The following RGS8 variants were observed in gnomAD, a reference collection of about 807,000 sequenced individuals.
The protein encoded by RGS8 is regulator of G-protein signaling 8.
RGS8 carries 8 observed loss-of-function variants against 21.7 expected under a neutral mutation model. That is an observed-to-expected ratio of 0.37 (90% CI 0.22 to 0.66). The LOEUF is 0.66. Among genes scored for constraint, RGS8 ranks in the 30% least tolerant of loss-of-function variants. The probability of loss-of-function intolerance (pLI) is 0.59; values close to 1 mark genes in which losing one functional copy is unlikely to be tolerated. For synonymous variants in RGS8, 80 were observed against 83.6 expected (o/e 0.96, Z 0.24); for missense variants, 157 against 217.9 (o/e 0.72, Z 1.76).
chr1:182,707,694 T>TTTTG, the RGS8 span, among the ~76,000 whole-genome samples: 1 of 152,030 alleles, frequency 6.6e-6, no homozygotes, highest in Non-Finnish European at 1.5e-5. Context: ...GGTGCTAAAT[T>TTTTG]TTTGTTTGTT....
At chr1:182,656,675 A>T (rs1350879723) in intron 5 of RGS8, among the ~76,000 whole-genome samples, 1 of 152,192 alleles carries the variant, frequency 6.6e-6, no homozygotes, top group Non-Finnish European at 1.5e-5. Flanking sequence ...TGAGAGGAAA[A>T]CCAAAAGAAA....
At chr1:182,665,819 GCTCCT>G in intron 5 of RGS8, 145 bp downstream of exon 6, 2 of 564,886 alleles carry the variant, frequency 3.5e-6, no homozygotes, top group South Asian at 7.1e-5. Flanking sequence ...TTTTCTATAT[GCTCCT>G]CTAGGCAGGA....
At chr1:182,663,057 C>T (rs1396036085) in intron 5 of RGS8, among the ~76,000 whole-genome samples, 2 of 152,132 alleles carry the variant, frequency 1.3e-5, no homozygotes, top group Non-Finnish European at 2.9e-5. Flanking sequence ...GACTCCTGAA[C>T]ATTTTTTTTG....
the RGS8 span, among the ~76,000 whole-genome samples, chr1:182,727,597 G>T: frequency 2.6e-5 from 4 of 152,044 alleles, no homozygotes; most frequent in Non-Finnish European, 5.9e-5. Context: ...GTTCCGAAAG[G>T]TTACTTTGCT....
At chr1:182,749,698 G>A in the RGS8 span, among the ~76,000 whole-genome samples, 1 of 152,254 alleles carries the variant, frequency 6.6e-6, no homozygotes, top group South Asian at 2.1e-4. Context: ...GGTGACTGAG[G>A]ACATTACTTA....
intron 3 of RGS8, among the ~76,000 whole-genome samples, 153 bp downstream of exon 4, chr1:182,669,471 G>A (rs143902523): frequency 2.0e-5 from 3 of 152,346 alleles, no homozygotes; most frequent in East Asian, 1.9e-4. Context: ...GACAAGAACC[G>A]TGCAGTTCAC....
chr1:182,735,081 C>T, the RGS8 span, among the ~76,000 whole-genome samples: 1 of 152,124 alleles, frequency 6.6e-6, no homozygotes, highest in Non-Finnish European at 1.5e-5. Context: ...TTTACACTGA[C>T]AACATGTCTC....
At chr1:182,700,516 A>G in the RGS8 span, among the ~76,000 whole-genome samples, 1 of 152,168 alleles carries the variant, frequency 6.6e-6, no homozygotes, top group East Asian at 1.9e-4. Flanking sequence ...TGGTATTCCA[A>G]GAGACACCCC....
chr1:182,747,801 A>G, the RGS8 span, among the ~76,000 whole-genome samples: 635 of 152,110 alleles, frequency 4.2e-3, 8 homozygotes, highest in African/African-American at 0.014. Flanking sequence ...CCTGAGTTTA[A>G]GACCTGCCTG....
the RGS8 span, among the ~76,000 whole-genome samples, chr1:182,721,046 CATACATATATATGTGTGTATATATACAT>C: frequency 1.5e-5 from 1 of 68,212 alleles, no homozygotes; most frequent in African/African-American, 6.1e-5. Flanking sequence ...TATACATATA[CATACATATATATGTGTGTATATATACAT>C]ATATACACAT....
At chr1:182,702,762 T>C in the RGS8 span, among the ~76,000 whole-genome samples, 2 of 152,200 alleles carry the variant, frequency 1.3e-5, no homozygotes, top group African/African-American at 2.4e-5. Context: ...TAATGGAAAT[T>C]TCAGGCCAGG....
chr1:182,669,973 T>C (rs915871771), intron 2 of RGS8, among the ~76,000 whole-genome samples: 6 of 152,186 alleles, frequency 3.9e-5, no homozygotes, highest in Non-Finnish European at 5.9e-5. Context: ...AGTTCCTGAT[T>C]CCCCAACCAC....
At chr1:182,648,294 G>A in exon 6 of RGS8, 1 of 1,613,204 alleles carries the variant, frequency 6.2e-7, no homozygotes, top group Non-Finnish European at 8.5e-7. Flanking sequence ...ACGGAATGCA[G>A]CCACCCCATC....
At chr1:182,728,571 C>A in the RGS8 span, among the ~76,000 whole-genome samples, 4 of 152,036 alleles carry the variant, frequency 2.6e-5, no homozygotes, top group African/African-American at 9.7e-5. Flanking sequence ...GTGCTAAAAT[C>A]CTCACCTAAA....
the RGS8 span, among the ~76,000 whole-genome samples, chr1:182,731,342 G>C: frequency 6.6e-6 from 1 of 152,056 alleles, no homozygotes; most frequent in Non-Finnish European, 1.5e-5. Flanking sequence ...ATTGGCAGTT[G>C]GATTATATCC....
At chr1:182,653,251 C>T (rs6673639) in intron 5 of RGS8, among the ~76,000 whole-genome samples, 114,971 of 152,018 alleles carry the variant, frequency 0.76, 43,537 homozygotes, top group Non-Finnish European at 0.78. Flanking sequence ...TCCCATGGTA[C>T]GTACGGTGGT....
At chr1:182,654,786 G>A (rs1663186939) in intron 5 of RGS8, among the ~76,000 whole-genome samples, 3 of 152,156 alleles carry the variant, frequency 2.0e-5, no homozygotes. Flanking sequence ...CAAAAAGGGA[G>A]CAAGAACTTT....
chr1:182,650,948 G>A (rs1347114608), intron 5 of RGS8, among the ~76,000 whole-genome samples: 1 of 152,100 alleles, frequency 6.6e-6, no homozygotes, highest in Non-Finnish European at 1.5e-5. Flanking sequence ...ATAATGTAAG[G>A]TTACTTCCTG....
chr1:182,751,852 T>A, the RGS8 span, among the ~76,000 whole-genome samples: 1 of 152,244 alleles, frequency 6.6e-6, no homozygotes, highest in Admixed American at 6.5e-5. Flanking sequence ...GAAACTCTAA[T>A]CATCAGATCA....
Sources: gnomAD v4.1 joint callset for allele counts (sites outside exome capture counted in the v4.1 genomes callset) on GRCh38, gnomAD v4.1.1 for gene constraint, MANE v1.5 for transcripts, NCBI Gene and HGNC (gene_info 2026-07-23, HGNC 2026-07-21) for gene names.